The following GYG1 variants were observed in gnomAD, a reference collection of about 807,000 sequenced individuals.
The protein encoded by GYG1 is glycogenin 1.
Under a neutral mutation model 41.9 loss-of-function variants are expected in GYG1, and 44 were observed. That is an observed-to-expected ratio of 1.05 (90% CI 0.83 to 1.35). The LOEUF is 1.35. Ranked by LOEUF, GYG1 falls within the 40% of genes most tolerant of loss-of-function variation. GYG1 has a pLI of 0.00. For missense variants in GYG1, 429 were observed against 418.9 expected, an observed-to-expected ratio of 1.02 and a Z score of -0.21; for synonymous variants, 141 against 158.1, an observed-to-expected ratio of 0.89 and a Z score of 0.81.
At position 149,028,159 on chromosome 3, in the gene GYG1, T is replaced by C. The variant is rs141985384; in HGVS notation, c.*1226T>C. On this transcript the variant is annotated 3_prime_UTR_variant, in exon 8 of 8. Transcript: ENST00000345003. ...AGTTAACCATGACAGGAAGAAACTT[T>C]AGAGGTTTGATTGGGCAAAAGCTGC... Among the ~76,000 whole-genome samples the C allele has an allele frequency of 2.0e-5, 3 of 152,274 alleles. No individual in the cohort carries two copies. Among genetic ancestry groups the C allele is most frequent in the African/African-American group, 4.8e-5 (2 of 41,558 alleles).
chr3:149,018,622 C>G (rs1444737917), intron 5 of GYG1, among the ~76,000 whole-genome samples: 1 of 152,158 alleles, frequency 6.6e-6, no homozygotes, highest in African/African-American at 2.4e-5. Flanking sequence ...TTCCCACCCC[C>G]AAAGGGCTCT....
intron 4 of GYG1, among the ~76,000 whole-genome samples, chr3:149,007,683 G>A (rs1340578132): frequency 1.3e-5 from 2 of 152,348 alleles, no homozygotes; most frequent in East Asian, 1.9e-4. Context: ...TGGACTTGCT[G>A]TATGTTGAGA....
At position 149,026,855 on chromosome 3, in the gene GYG1, G is replaced by C; in HGVS notation, c.975G>C (p.Trp325Cys). The change falls in exon 8 of 8, where the codon TGG (tryptophan) becomes TGC (cysteine). Residue 325 changes from tryptophan (W) to cysteine (C), a missense_variant. By Grantham distance (215) the Trp-to-Cys change is radical. Transcript: ENST00000345003. The stretch of plus-strand genomic sequence containing the variant: ...CCTCGGAAGAACGGAAGGAACGATG[G>C]GAACAGGGCCAGGCTGATTATATGG... ...FVSSEERKER[W>C]EQGQADYMGA... The C allele has an allele frequency of 6.2e-7, 1 of 1,613,958 alleles. No individual in the cohort carries two copies. Among genetic ancestry groups the C allele is most frequent in the Non-Finnish European group, 8.5e-7 (1 of 1,179,840 alleles).
chr3:149,020,524 C>A (rs535935726), intron 5 of GYG1, among the ~76,000 whole-genome samples: 103 of 152,342 alleles, frequency 6.8e-4, no homozygotes, highest in African/African-American at 2.5e-3. Flanking sequence ...GGTTTCCTCA[C>A]ATTGTCATTT....
At position 149,027,115 on chromosome 3, in the gene GYG1, C is replaced by T; in HGVS notation, c.*182C>T. The T allele has an allele frequency of 1.6e-6, 1 of 624,042 alleles. No individual in the cohort carries two copies. Among genetic ancestry groups the T allele is most frequent in the Non-Finnish European group, 2.8e-6 (1 of 351,566 alleles). 38.7% of individuals were successfully genotyped at this position (624,042 alleles called of 1,614,324 possible). On this transcript the variant is annotated 3_prime_UTR_variant, in exon 8 of 8. Transcript: ENST00000345003. ...GGGCAAAAGTTGTGAAGCAGCAATT[C>T]TGTTATATGGACAGTGTTCTGCTTT...
Position 148,994,312 on chromosome 3 carries a change from G to A in GYG1, c.143+35G>A, listed in dbSNP as rs748051549. The A allele has an allele frequency of 3.7e-6, 6 of 1,609,492 alleles. No homozygotes were observed. In the East Asian group the frequency reaches 6.7e-5, roughly 18 times the overall value. On this transcript the variant is annotated intron_variant, in intron 2 of 7. Coordinates refer to ENST00000345003, the MANE Select transcript of GYG1 (RefSeq NM_004130.4). ...TCGCTGCCACCCCAGCATCCAAGGG[G>A]CTCTGACATCCTTCTCCCTGTTGCT...
At chr3:149,003,215 A>G (rs1713199445) in intron 4 of GYG1, among the ~76,000 whole-genome samples, 1 of 150,870 alleles carries the variant, frequency 6.6e-6, no homozygotes. Flanking sequence ...TCCTGGGTTC[A>G]AGTGATTCTC....
chr3:149,006,043 G>T (rs1713383873), intron 4 of GYG1, among the ~76,000 whole-genome samples: 1 of 150,630 alleles, frequency 6.6e-6, no homozygotes. Context: ...TAGTCAAGAT[G>T]CAGAGTAGTT....
At chr3:149,011,144 C>A (rs1342173982) in intron 5 of GYG1, among the ~76,000 whole-genome samples, 1 of 152,168 alleles carries the variant, frequency 6.6e-6, no homozygotes, top group Admixed American at 6.5e-5. Context: ...CAACTGTGTT[C>A]TGAGTAAAGC....
chr3:149,012,637 C>T (rs1280682027), intron 5 of GYG1, among the ~76,000 whole-genome samples: 1 of 151,608 alleles, frequency 6.6e-6, no homozygotes, highest in African/African-American at 2.4e-5. Context: ...TTGGTTAGAA[C>T]AAAAGATAAA....
At position 149,022,498 on chromosome 3, in the gene GYG1, C is replaced by CTTTTTTTTTTTTTTTTT. The variant is rs71617495; in HGVS notation, c.609-1553_609-1537dup. Among the ~76,000 whole-genome samples the CTTTTTTTTTTTTTTTTT allele has an allele frequency of 4.7e-4, 33 of 69,584 alleles. 5 individuals are homozygous for CTTTTTTTTTTTTTTTTT. Among genetic ancestry groups the CTTTTTTTTTTTTTTTTT allele is most frequent in the South Asian group, 8.6e-4 (2 of 2,338 alleles). The allele number at this position is 69,584 out of a possible 152,430, so 45.6% of individuals were successfully genotyped here. ...AACAGTACCTTTTTTCTTGTTTTGC[C>CTTTTTTTTTTTTTTTTT]TTTTTTTTTTTTTTTTTTGAGATGG... On this transcript the variant is annotated intron_variant, in intron 5 of 7. Coordinates refer to ENST00000345003, the MANE Select transcript of GYG1 (RefSeq NM_004130.4).
In GYG1 at chr3:149,026,787, C is replaced by T; in HGVS notation, c.907C>T (p.Leu303=). ...AGATGTCTCAGGAGCCATATCACAT[C>T]TGTCCCTTGGGGAGATCCCAGCTAT... is the stretch of plus-strand genomic sequence containing the variant. ...KEDVSGAISH[L]SLGEIPAMAQ... Residue 303 remains leucine (L), a synonymous_variant, in exon 8 of 8, where the codon CTG becomes TTG. Transcript: ENST00000345003. 1 of 1,613,214 alleles carries T rather than the reference C, an allele frequency of 6.2e-7. No individual in the cohort carries two copies. Among genetic ancestry groups the T allele is most frequent in the Non-Finnish European group, 8.5e-7 (1 of 1,179,162 alleles).
At position 149,011,579 on chromosome 3, in the gene GYG1, T is replaced by C. The variant is rs780319662; in HGVS notation, c.608+2177T>C. Among the ~76,000 whole-genome samples, 34 of 152,302 alleles carry C rather than the reference T, an allele frequency of 2.2e-4. No homozygotes were observed. The Middle Eastern group carries it at 0.01, about 46-fold the overall frequency. On this transcript the variant is annotated intron_variant, in intron 5 of 7. Transcript: ENST00000345003. ...ATGCAGACACTGCTTGCAGTACTTTTATTTTAACACACAAGAAGCAGGTGG... is the reference window on the plus strand; with the variant it reads ...ATGCAGACACTGCTTGCAGTACTTTCATTTTAACACACAAGAAGCAGGTGG...
rs557408145 is a variant in GYG1 at position 149,029,099 on chromosome 3, G to A, written c.*2166G>A. On this transcript the variant is annotated 3_prime_UTR_variant, in exon 8 of 8. Coordinates refer to ENST00000345003, the MANE Select transcript of GYG1 (RefSeq NM_004130.4). ...AATGACAAGCTTACCATAAGACATA[G>A]CATATAATGCTGTCAAGTTATTTGG... Among the ~76,000 whole-genome samples the A allele has an allele frequency of 5.5e-4, 83 of 152,286 alleles. 1 individual carries two copies. Among genetic ancestry groups the A allele is most frequent in the African/African-American group, 1.8e-3 (75 of 41,550 alleles).
intron 4 of GYG1, among the ~76,000 whole-genome samples, chr3:149,000,537 C>G (rs984735142): frequency 6.6e-6 from 1 of 152,206 alleles, no homozygotes; most frequent in Non-Finnish European, 1.5e-5. Context: ...GAACTTGACT[C>G]TGAAGAAATC....
At chr3:149,004,976 C>T (rs1311682736) in intron 4 of GYG1, among the ~76,000 whole-genome samples, 1 of 152,144 alleles carries the variant, frequency 6.6e-6, no homozygotes, top group South Asian at 2.1e-4. Flanking sequence ...TTCCCAGGCT[C>T]ATGCAGGTCG....
At position 149,024,272 on chromosome 3, in the gene GYG1, G is replaced by A. The variant is rs1290465755; in HGVS notation, c.828G>A (p.Val276=). 1 of 1,566,580 alleles carries A rather than the reference G, an allele frequency of 6.4e-7. No homozygotes were observed. The highest frequency in any genetic ancestry group is 8.8e-7 in the Non-Finnish European group (1 of 1,136,758). Residue 276 remains valine (V), a splice_region_variant and synonymous_variant, in exon 6 of 8, where the codon GTG becomes GTA. Transcript: ENST00000345003. ...AAGACACCTGCTCATATGTAAATGT[G>A]GTAGGTTCTGTTTCTTTTCTTCAGA... ...LVKDTCSYVN[V]LSDLVYTLAF...
At position 148,991,698 on chromosome 3, in the gene GYG1, C is replaced by T. The variant is rs750439518; in HGVS notation, c.7+51C>T. The T allele has an allele frequency of 5.9e-6, 8 of 1,363,050 alleles. 1 individual carries two copies. The South Asian group carries it at 1.0e-4, about 17-fold the overall frequency. The allele number at this position is 1,363,050 out of a possible 1,614,324, so 84.4% of individuals were successfully genotyped here. A position where few individuals can be genotyped will look rare whatever the true frequency, so the allele number is the denominator to read the frequency against. ...CAGCCCCGGGACCCCGGCTTCCTGC[C>T]CAGCCGCCGCCTCCCTTCTCCTCCG... is the stretch of plus-strand genomic sequence containing the variant. On this transcript the variant is annotated intron_variant, in intron 1 of 7. Coordinates refer to ENST00000345003, the MANE Select transcript of GYG1 (RefSeq NM_004130.4).
chr3:148,994,500 A>G (rs1712678356), intron 2 of GYG1, among the ~76,000 whole-genome samples: 1 of 123,308 alleles, frequency 8.1e-6, no homozygotes, highest in African/African-American at 3.4e-5. Context: ...GCTGGCCCAC[A>G]CTTTCTGGTT....
Sources: allele counts gnomAD v4.1 joint callset (sites outside exome capture counted in the v4.1 genomes callset), GRCh38; gene constraint gnomAD v4.1.1; transcripts MANE v1.5; gene names NCBI Gene and HGNC (gene_info 2026-07-23, HGNC 2026-07-21).